The following MGAT4C variants were observed in gnomAD, a reference collection of about 807,000 sequenced individuals.
MGAT4C encodes MGAT4 family member C.
A neutral mutation model predicts 40.1 loss-of-function variants in MGAT4C; 19 were observed. The ratio of observed to expected loss-of-function variants is 0.47; its 90% CI spans 0.33 to 0.70. MGAT4C has a LOEUF of 0.70. Among genes scored for constraint, MGAT4C ranks in the 30% least tolerant of loss-of-function variants. MGAT4C has a pLI of 0.02. For synonymous variants in MGAT4C, 181 were observed against 187.1 expected (o/e 0.97, Z 0.27); for missense variants, 491 against 563.2 (o/e 0.87, Z 1.30).
At chr12:86,012,968 A>T (rs78464974) in intron 2 of MGAT4C, among the ~76,000 whole-genome samples, 3 of 49,716 alleles carry the variant, frequency 6.0e-5, no homozygotes, top group Admixed American at 1.7e-4. Flanking sequence ...CACGAAAATT[A>T]AAAAAAAAAA....
At chr12:86,569,600 T>C (rs1960280851) in intron 2 of MGAT4C, among the ~76,000 whole-genome samples, 1 of 152,036 alleles carries the variant, frequency 6.6e-6, no homozygotes. Context: ...GAGTGTTAAT[T>C]ATCACAGCCA....
intron 2 of MGAT4C, among the ~76,000 whole-genome samples, chr12:86,547,799 A>G (rs1959205371): frequency 6.6e-6 from 1 of 152,124 alleles, no homozygotes; most frequent in African/African-American, 2.4e-5. Context: ...ACAAAAAGAG[A>G]CAGACAAACA....
chr12:86,833,391 C>T (rs1254432836), intron 1 of MGAT4C, among the ~76,000 whole-genome samples: 1 of 151,910 alleles, frequency 6.6e-6, no homozygotes, highest in Non-Finnish European at 1.5e-5. Flanking sequence ...TAACAATGTA[C>T]TACAGACTGG....
intron 3 of MGAT4C, among the ~76,000 whole-genome samples, chr12:86,406,804 A>C (rs1956483931): frequency 6.6e-6 from 1 of 152,094 alleles, no homozygotes. Context: ...TCACACACTC[A>C]ACACGCATAC....
intron 1 of MGAT4C, among the ~76,000 whole-genome samples, chr12:86,832,494 G>C (rs1180545432): frequency 4.6e-5 from 7 of 151,756 alleles, no homozygotes; most frequent in Non-Finnish European, 1.0e-4. Flanking sequence ...TATGAGAAAA[G>C]ACAAACAGAA....
chr12:86,178,163 C>T (rs1263450424), intron 1 of MGAT4C, among the ~76,000 whole-genome samples: 1 of 152,154 alleles, frequency 6.6e-6, no homozygotes, highest in Non-Finnish European at 1.5e-5. Context: ...GTCTTGATCT[C>T]CTGACCTTGT....
rs554461144 is a variant in MGAT4C, at chr12:86,395,065, TA to T, written c.-120+40091del. ...TCTAAGAGCTTTAGGAAAAAAAGCA[TA>T]AAAAAAATGGTCTTGAATGATAAGT... On this transcript the variant is annotated intron_variant, in intron 3 of 7. Coordinates refer to the MGAT4C transcript ENST00000548651. Among the ~76,000 whole-genome samples, 694 of 151,716 alleles carry T rather than the reference TA, an allele frequency of 4.6e-3. 4 individuals are homozygous for T. The highest frequency in any genetic ancestry group is 0.012 in the African/African-American group (478 of 41,330).
chr12:86,153,845 C>G (rs564080841), intron 1 of MGAT4C, among the ~76,000 whole-genome samples: 25 of 152,122 alleles, frequency 1.6e-4, no homozygotes, highest in Non-Finnish European at 3.1e-4. Flanking sequence ...TGTAAATTTC[C>G]CAGTTTGGAT....
intron 2 of MGAT4C, among the ~76,000 whole-genome samples, chr12:86,550,101 T>C (rs1243833262): frequency 1.3e-5 from 2 of 152,132 alleles, no homozygotes; most frequent in African/African-American, 4.8e-5. Flanking sequence ...ATATGGGGCT[T>C]TTCCCCCTTC....
At chr12:86,720,122 C>A (rs571960178) in intron 2 of MGAT4C, among the ~76,000 whole-genome samples, 2 of 152,202 alleles carry the variant, frequency 1.3e-5, no homozygotes, top group African/African-American at 2.4e-5. Flanking sequence ...GGGAAAGGAA[C>A]AAAGAAATTC....
intron 1 of MGAT4C, among the ~76,000 whole-genome samples, chr12:86,138,252 C>A (rs1882254948): frequency 6.6e-6 from 1 of 151,672 alleles, no homozygotes; most frequent in Non-Finnish European, 1.5e-5. Context: ...TTTCTCATTG[C>A]ACTCTATACC....
chr12:86,786,712 A>G (rs1951937434), intron 1 of MGAT4C, among the ~76,000 whole-genome samples: 1 of 152,014 alleles, frequency 6.6e-6, no homozygotes, highest in Non-Finnish European at 1.5e-5. Context: ...TCTGAGCTCA[A>G]TTGCTCTATC....
At chr12:86,325,652 T>G (rs1489035906) in intron 4 of MGAT4C, among the ~76,000 whole-genome samples, 1 of 151,974 alleles carries the variant, frequency 6.6e-6, no homozygotes, top group Non-Finnish European at 1.5e-5. Flanking sequence ...TCAAGGCAGG[T>G]GGATTGCTTG....
chr12:86,185,173 A>C (rs1888610733), intron 1 of MGAT4C, among the ~76,000 whole-genome samples: 1 of 150,880 alleles, frequency 6.6e-6, no homozygotes, highest in African/African-American at 2.4e-5. Flanking sequence ...GTCTTTTGAC[A>C]CTCCTTTCCT....
At chr12:86,687,954 T>C (rs1950102967) in intron 2 of MGAT4C, among the ~76,000 whole-genome samples, 1 of 152,108 alleles carries the variant, frequency 6.6e-6, no homozygotes, top group Non-Finnish European at 1.5e-5. Context: ...CCCACTATTA[T>C]TGTGTGGGAG....
At chr12:86,302,195 T>G (rs964477734) in intron 4 of MGAT4C, among the ~76,000 whole-genome samples, 3 of 150,914 alleles carry the variant, frequency 2.0e-5, no homozygotes, top group Non-Finnish European at 4.4e-5. Flanking sequence ...AGAAATAGAT[T>G]AGATATAAAG....
chr12:86,007,947 T>C (rs1400868374), intron 2 of MGAT4C, among the ~76,000 whole-genome samples: 1 of 152,040 alleles, frequency 6.6e-6, no homozygotes, highest in Non-Finnish European at 1.5e-5. Context: ...TCAGTTGTAT[T>C]GGGTGCCTTT....
At chr12:86,456,254 TGATGTTACAGA>T (rs1249791277) in intron 2 of MGAT4C, among the ~76,000 whole-genome samples, 1 of 152,056 alleles carries the variant, frequency 6.6e-6, no homozygotes, top group Non-Finnish European at 1.5e-5. Context: ...ATCATCATCA[TGATGTTACAGA>T]GAAATAAGGA....
chr12:86,667,861 A>G (rs1031735799), intron 2 of MGAT4C, among the ~76,000 whole-genome samples: 1 of 152,236 alleles, frequency 6.6e-6, no homozygotes, highest in Non-Finnish European at 1.5e-5. Flanking sequence ...ATAGTCTAAA[A>G]TATAAAATAT....
Sources: gnomAD v4.1 joint callset for allele counts (sites outside exome capture counted in the v4.1 genomes callset) on GRCh38, gnomAD v4.1.1 for gene constraint, MANE v1.5 for transcripts, NCBI Gene and HGNC (gene_info 2026-07-23, HGNC 2026-07-21) for gene names.